Variants in CSMD2 observed in about 807,000 individuals in gnomAD.
The protein encoded by CSMD2 is CUB and sushi domain-containing protein 2.
A neutral mutation model predicts 398.5 loss-of-function variants in CSMD2; 130 were observed. The observed-to-expected ratio is 0.33, with a 90% CI of 0.28 to 0.38. The LOEUF is 0.38. CSMD2 is among the 10% of genes least tolerant of loss of function. The pLI is 1.00. For synonymous variants in CSMD2, 1,828 were observed against 1,908.5 expected (o/e 0.96, Z 1.10); for missense variants, 3,829 against 4,764.9 (o/e 0.80, Z 5.78).
intron 3 of CSMD2, among the ~76,000 whole-genome samples, chr1:33,944,760 G>A (rs962874994): frequency 2.6e-5 from 4 of 152,098 alleles, no homozygotes; most frequent in African/African-American, 4.8e-5. Flanking sequence ...AGGAACAGCC[G>A]GGCTAACTCT....
At chr1:33,846,018 A>G (rs897489393) in intron 6 of CSMD2, among the ~76,000 whole-genome samples, 1 of 152,254 alleles carries the variant, frequency 6.6e-6, no homozygotes, top group South Asian at 2.1e-4. Flanking sequence ...GGTAATAGCT[A>G]AAGGCTTAAT....
intron 41 of CSMD2, among the ~76,000 whole-genome samples, chr1:33,607,161 A>T (rs1640669724): frequency 6.6e-6 from 1 of 152,224 alleles, no homozygotes; most frequent in Admixed American, 6.5e-5. Context: ...AGTTCTTTAT[A>T]AACAGAACCC....
intron 2 of CSMD2, among the ~76,000 whole-genome samples, chr1:34,050,862 CTATGCTAGCCCAGAGGCTAGCA>C (rs1419971234): frequency 2.6e-5 from 4 of 152,054 alleles, no homozygotes; most frequent in African/African-American, 9.7e-5. Context: ...AAAATTAATG[CTATGCTAGCCCAGAGGCTAGCA>C]TATGCTATGC....
At chr1:33,720,534 GAGA>G (rs796951074) in intron 19 of CSMD2, among the ~76,000 whole-genome samples, 44 of 152,264 alleles carry the variant, frequency 2.9e-4, no homozygotes, top group African/African-American at 1.1e-3. Context: ...GTGTTCCAGA[GAGA>G]AGAACATTGT....
intron 14 of CSMD2, among the ~76,000 whole-genome samples, chr1:33,742,820 G>C (rs1160942423): frequency 6.6e-6 from 1 of 152,130 alleles, no homozygotes; most frequent in Non-Finnish European, 1.5e-5. Context: ...ATGGGAACTG[G>C]GCAAAGCAAA....
chr1:33,798,185 G>C (rs868550894), intron 10 of CSMD2, among the ~76,000 whole-genome samples: 1 of 152,136 alleles, frequency 6.6e-6, no homozygotes, highest in East Asian at 1.9e-4. Context: ...CTCACAAAGC[G>C]CCTTTCGGAG....
At chr1:33,584,079 G>C (rs1340186275) in intron 46 of CSMD2, among the ~76,000 whole-genome samples, 1 of 152,132 alleles carries the variant, frequency 6.6e-6, no homozygotes, top group Non-Finnish European at 1.5e-5. Flanking sequence ...GATAAGTTGT[G>C]GGTTCTACTA....
At chr1:33,917,633 C>A (rs1346669315) in intron 5 of CSMD2, among the ~76,000 whole-genome samples, 1 of 152,166 alleles carries the variant, frequency 6.6e-6, no homozygotes, top group Non-Finnish European at 1.5e-5. Context: ...GGACATAATG[C>A]CTTTCTGATG....
chr1:33,764,039 T>C (rs959995725), intron 13 of CSMD2, among the ~76,000 whole-genome samples: 3 of 152,188 alleles, frequency 2.0e-5, no homozygotes, highest in African/African-American at 4.8e-5. Flanking sequence ...TTTGCCGGGA[T>C]ACACCCTATT....
chr1:34,015,467 G>T (rs1038502922), intron 3 of CSMD2, among the ~76,000 whole-genome samples: 4 of 152,196 alleles, frequency 2.6e-5, no homozygotes, highest in Non-Finnish European at 5.9e-5. Context: ...GACTAGCTAG[G>T]TGAGAGGCAT....
intron 10 of CSMD2, chr1:33,805,024 G>A: frequency 1.6e-6 from 1 of 622,202 alleles, no homozygotes; most frequent in South Asian, 1.9e-5. Context: ...CTGCAGAGGT[G>A]CTATCTTTAG....
Position 34,109,811 on chromosome 1 carries a change from G to A in CSMD2, c.188-20618C>T, listed in dbSNP as rs376569454. On this transcript the variant is annotated intron_variant, in intron 1 of 70. Transcript: ENST00000373381. ...TCTCAGCACTTTGGGAGGCCAAGGC[G>A]GGCGGATCACGAGGTCAGGAGTTCA... Among the ~76,000 whole-genome samples, 19 of 152,022 alleles carry A rather than the reference G, an allele frequency of 1.2e-4. No individual in the cohort carries two copies. The South Asian group carries it at 3.7e-3, about 30-fold the overall frequency.
rs996719236 is a variant in CSMD2, at chr1:33,646,536, G to T, written c.4774+112C>A. The T allele has an allele frequency of 6.1e-6, 7 of 1,147,180 alleles. No homozygotes were observed. In the African/African-American group the frequency reaches 1.1e-4, roughly 18 times the overall value. 71.1% of individuals were successfully genotyped at this position (1,147,180 alleles called of 1,614,324 possible). ...GCAGGCGGCAGCAGTGCTAGGGTTG[G>T]TGTGGGCTTGCTGTGGTCCAGCCCA... On this transcript the variant is annotated intron_variant, in intron 29 of 70. Transcript: ENST00000373381.
chr1:33,779,264 TGTAGG>T (rs1488359287), intron 12 of CSMD2, among the ~76,000 whole-genome samples: 6 of 152,076 alleles, frequency 3.9e-5, no homozygotes, highest in African/African-American at 9.7e-5. Flanking sequence ...ATGAGTGATC[TGTAGG>T]GAGGTAGAAT....
intron 25 of CSMD2, among the ~76,000 whole-genome samples, chr1:33,668,997 C>A (rs10914759): frequency 6.6e-6 from 1 of 151,984 alleles, no homozygotes; most frequent in African/African-American, 2.4e-5. Flanking sequence ...AAGAGCTAAA[C>A]GTTTGTAGAA....
At chr1:34,125,532 T>TGTGC (rs1662651071) in intron 1 of CSMD2, among the ~76,000 whole-genome samples, 1 of 149,938 alleles carries the variant, frequency 6.7e-6, no homozygotes, top group South Asian at 2.1e-4. Flanking sequence ...TGTGTGTGTG[T>TGTGC]GTGTGTGTGT....
chr1:34,044,977 T>C, intron 2 of CSMD2, among the ~76,000 whole-genome samples: 1 of 151,480 alleles, frequency 6.6e-6, no homozygotes, highest in East Asian at 2.0e-4. Context: ...AGAACTATCA[T>C]TACAGGCATC....
At chr1:33,846,735 C>A (rs1038621244) in intron 6 of CSMD2, 149 bp downstream of exon 6, 1 of 450,816 alleles carries the variant, frequency 2.2e-6, no homozygotes, top group Admixed American at 4.3e-5. Flanking sequence ...AGATGCAAAT[C>A]TGCAGACCTC....
At chr1:33,794,515 C>T (rs1173489006) in intron 10 of CSMD2, among the ~76,000 whole-genome samples, 1 of 152,152 alleles carries the variant, frequency 6.6e-6, no homozygotes, top group Non-Finnish European at 1.5e-5. Context: ...CCAGAGAGGT[C>T]TAACTACTGA....
Sources: gnomAD v4.1 joint callset for allele counts (sites outside exome capture counted in the v4.1 genomes callset) on GRCh38, gnomAD v4.1.1 for gene constraint, MANE v1.5 for transcripts, NCBI Gene and HGNC (gene_info 2026-07-23, HGNC 2026-07-21) for gene names.